Variants in POLD1 observed in about 807,000 individuals in gnomAD.
The protein encoded by POLD1 is DNA polymerase delta catalytic subunit.
A neutral mutation model predicts 129.7 loss-of-function variants in POLD1; 79 were observed. That is an observed-to-expected ratio of 0.61 (90% CI 0.51 to 0.73). POLD1 has a LOEUF of 0.73. POLD1 is among the 30% of genes least tolerant of loss of function. The pLI is 0.00. For synonymous variants in POLD1, 714 were observed against 683.3 expected (o/e 1.04, Z -0.70); for missense variants, 1,338 against 1,595.8 (o/e 0.84, Z 2.75).
intron 14 of POLD1, among the ~76,000 whole-genome samples, chr19:50,408,420 C>G (rs2038976126): frequency 6.6e-6 from 1 of 152,020 alleles, no homozygotes; most frequent in Admixed American, 6.6e-5. Context: ...CAGGGTCTCA[C>G]TCTGTCACCC....
chr19:50,405,943 T>G (rs1490528372), intron 10 of POLD1, among the ~76,000 whole-genome samples: 1 of 152,030 alleles, frequency 6.6e-6, no homozygotes, highest in Non-Finnish European at 1.5e-5. Context: ...TGGCCCCCAG[T>G]CCATCAGGGC....
intron 1 of POLD1, among the ~76,000 whole-genome samples, chr19:50,393,090 A>G (rs557337035): frequency 1.3e-5 from 2 of 152,312 alleles, no homozygotes; most frequent in South Asian, 4.1e-4. Flanking sequence ...CTTATGTGAT[A>G]ATATATCTAC....
intron 3 of POLD1, among the ~76,000 whole-genome samples, chr19:50,400,133 ATTTTTTTTTTTTTTT>A (rs71182715): frequency 0.049 from 2,344 of 48,194 alleles, 120 homozygotes; most frequent in African/African-American, 0.13. Context: ...TTTTTAAAAG[ATTTTTTTTTTTTTTT>A]TTTTTTTTTT....
intron 22 of POLD1, 90 bp downstream of exon 22, chr19:50,415,916 C>T (rs1023999440): frequency 4.1e-5 from 41 of 1,008,710 alleles, no homozygotes; most frequent in Non-Finnish European, 5.6e-5. Flanking sequence ...AAGGGTGGGG[C>T]CTCCCGTGCC....
chr19:50,402,671 G>C lies in POLD1; in HGVS notation c.900G>C (p.Pro300=), dbSNP rs142407935. 8 of 1,598,278 alleles carry C rather than the reference G, an allele frequency of 5.0e-6. No individual in the cohort carries two copies. In the Admixed American group the frequency reaches 1.2e-4, roughly 24 times the overall value. ...GGTCTGACGTGGTCAGTCACCCACCGGAAGGGCCATGGCAGCGCATTGCGC... is the reference window on the plus strand; with the variant it reads ...GGTCTGACGTGGTCAGTCACCCACCCGAAGGGCCATGGCAGCGCATTGCGC... ...VLWSDVVSHP[P]EGPWQRIAPL... is the part of the protein sequence containing the mutation. Residue 300 remains proline, a synonymous_variant, in exon 8 of 27, where the codon CCG becomes CCC. Transcript: ENST00000440232.
intron 1 of POLD1, chr19:50,393,887 T>C (rs961563009): frequency 2.6e-5 from 4 of 152,192 alleles, no homozygotes; most frequent in Admixed American, 2.0e-4. Flanking sequence ...AGCTGGCCCC[T>C]CTCTAATGCT....
At chr19:50,405,970 C>G (rs1263682013) in intron 10 of POLD1, among the ~76,000 whole-genome samples, 4 of 152,288 alleles carry the variant, frequency 2.6e-5, no homozygotes, top group Non-Finnish European at 5.9e-5. Flanking sequence ...CTCTCGCTAT[C>G]CCAGCCTTGG....
At chr19:50,411,312 C>G (rs1568633010) in intron 17 of POLD1, among the ~76,000 whole-genome samples, 1 of 152,180 alleles carries the variant, frequency 6.6e-6, no homozygotes, top group African/African-American at 2.4e-5. Flanking sequence ...GCTGCCTCCC[C>G]AGCCTCCTTG....
rs1060501843 is a variant in POLD1 at position 50,407,037 on chromosome 19, T to C, written c.1549T>C (p.Tyr517His). ...GGCTGTGTACTGCCTGAAGGATGCC[T>C]ACCTGCCACTGCGGCTGCTGGAGCG... is the stretch of plus-strand genomic sequence containing the variant. ...RLAVYCLKDA[Y>H]LPLRLLERLM... The change falls in exon 13 of 27, where the codon TAC (tyrosine) becomes CAC (histidine). Residue 517 changes from tyrosine to histidine, a missense_variant. Physicochemically the swap from Tyr to His is moderately conservative, Grantham distance 83. Around this residue, in one of 3 missense-constraint regions of POLD1, gnomAD observed 720 missense variants for 1,002.6 expected, o/e 0.72. Transcript: ENST00000440232. 1.9e-6 allele frequency: 3 copies of C among 1,612,638 alleles called. No homozygotes were observed. Among genetic ancestry groups the C allele is most frequent in the Non-Finnish European group, 2.5e-6 (3 of 1,179,528 alleles).
In POLD1 at chr19:50,415,603, G is replaced by C; in HGVS notation, c.2717+13G>C. ...AGCTGGCCGAGAGGTCCTGCGCGGG[G>C]CGGGTGGCCTGGCCAGAAATAACCC... On this transcript the variant is annotated intron_variant, in intron 21 of 26. Transcript: ENST00000440232. The C allele has an allele frequency of 1.2e-6, 2 of 1,608,094 alleles. No homozygotes were observed. Among genetic ancestry groups the C allele is most frequent in the South Asian group, 2.2e-5 (2 of 90,774 alleles).
rs376880806 is a variant in POLD1, at chr19:50,406,378, G to A, written c.1384-29G>A. ...CCTTGGAAGGCCACTGCCCAGGCCC[G>A]CAGCCCACCAGCCCACCCACCCACC... On this transcript the variant is annotated intron_variant, in intron 11 of 26. Coordinates refer to ENST00000440232, the MANE Select transcript of POLD1 (RefSeq NM_002691.4). The surrounding 1 kb of genome is among the most constrained non-coding windows in gnomAD (Gnocchi z 5.5). 76 of 1,609,120 alleles carry A rather than the reference G, an allele frequency of 4.7e-5. No homozygotes were observed. Among genetic ancestry groups the A allele is most frequent in the African/African-American group, 3.9e-4 (29 of 74,798 alleles).
At position 50,402,252 on chromosome 19, in the gene POLD1, A is replaced by G. The variant is rs750753334; in HGVS notation, c.637A>G (p.Thr213Ala). ...GHGPSPFLRI[T>A]VALPRLVAPA... ...CGGCCCCTCCCCGTTCCTGCGCATC[A>G]CCGTGGCGCTGCCGCGCCTCGTGGC... is the stretch of plus-strand genomic sequence containing the variant. The change falls in exon 6 of 27, where the codon ACC becomes GCC. Residue 213 changes from threonine (T) to alanine (A), a missense_variant. By Grantham distance (58) the Thr-to-Ala change is moderately conservative. Transcript: ENST00000440232. 6.3e-7 allele frequency: 1 copy of G among 1,598,950 alleles called. No individual in the cohort carries two copies. The highest frequency in any genetic ancestry group is 8.5e-7 in the Non-Finnish European group (1 of 1,171,764).
rs1198421459 is a variant in POLD1, at chr19:50,417,934, C to T, written c.3311C>T (p.Pro1104Leu). The T allele has an allele frequency of 6.2e-7, 1 of 1,606,788 alleles. No individual in the cohort carries two copies. The highest frequency in any genetic ancestry group is 1.3e-5 in the African/African-American group (1 of 74,892). Reference protein sequence around the residue: ...QLLRRFGPPGPEAW With the variant: ...QLLRRFGPPGLEAW ...CTGCGGCGCTTCGGACCCCCTGGAC[C>T]TGAGGCCTGGTGACCTTGCAAGCAT... The change falls in exon 27 of 27, where the codon CCT (proline) becomes CTT (leucine). Residue 1104 changes from proline (P) to leucine (L), a missense_variant. By Grantham distance (98) the Pro-to-Leu change is moderately conservative. Coordinates refer to ENST00000440232, the MANE Select transcript of POLD1 (RefSeq NM_002691.4).
chr19:50,388,031 CAT>C (rs1477720691), intron 1 of POLD1, among the ~76,000 whole-genome samples: 7 of 152,212 alleles, frequency 4.6e-5, no homozygotes, highest in African/African-American at 1.4e-4. Context: ...CCGCCACACA[CAT>C]GAGCGATGAA....
At chr19:50,414,683 C>T in intron 19 of POLD1, 132 bp from the exon 20 acceptor site, 1 of 674,606 alleles carries the variant, frequency 1.5e-6, no homozygotes. Context: ...TCCATCCCAC[C>T]AGGCTCAGGG....
chr19:50,396,696 G>T (rs2038380512), intron 1 of POLD1, among the ~76,000 whole-genome samples: 1 of 151,678 alleles, frequency 6.6e-6, no homozygotes, highest in Admixed American at 6.6e-5. Context: ...TAGCCAGGAT[G>T]GTCTCGATCT....
In POLD1 at chr19:50,406,544, C is replaced by T. The variant is rs1159582317; in HGVS notation, c.1494+27C>T. On this transcript the variant is annotated intron_variant, in intron 12 of 26. Coordinates refer to ENST00000440232, the MANE Select transcript of POLD1 (RefSeq NM_002691.4). This position sits in a 1 kb window ranked among gnomAD's most constrained non-coding sequence, Gnocchi z 5.5. ...TGCCTGCTGCCTCCCTGACCTCTCACCCCAACCTCTGACCTCCACCTCACC... is the reference window on the plus strand; with the variant it reads ...TGCCTGCTGCCTCCCTGACCTCTCATCCCAACCTCTGACCTCCACCTCACC... 2.7e-6 allele frequency: 4 copies of T among 1,502,484 alleles called. No individual in the cohort carries two copies. Among genetic ancestry groups the T allele is most frequent in the African/African-American group, 1.4e-5 (1 of 72,202 alleles). 93.1% of individuals were successfully genotyped at this position (1,502,484 alleles called of 1,614,324 possible). A position where few individuals can be genotyped will look rare whatever the true frequency, so the allele number is the denominator to read the frequency against.
chr19:50,416,527 G>T lies in POLD1; in HGVS notation c.2952G>T (p.Leu984=), dbSNP rs1227560475. 5 of 1,552,214 alleles carry T rather than the reference G, an allele frequency of 3.2e-6. No homozygotes were observed. Among genetic ancestry groups the T allele is most frequent in the Non-Finnish European group, 4.3e-6 (5 of 1,149,954 alleles). ...LGEGRAEAVL[L]RGDHTRCKTV... ...AGGGCCGTGCCGAGGCTGTGCTACT[G>T]CGTACGGGGGCACCAGGGGACTGGG... The change falls in exon 23 of 27, where the codon CTG becomes CTT. Residue 984 remains leucine, a splice_region_variant and synonymous_variant. Coordinates refer to ENST00000440232, the MANE Select transcript of POLD1 (RefSeq NM_002691.4).
intron 1 of POLD1, 78 bp from the exon 2 acceptor site, chr19:50,398,773 G>A: frequency 2.6e-6 from 4 of 1,543,488 alleles, no homozygotes; most frequent in Non-Finnish European, 3.5e-6. Context: ...GGTCATGGTG[G>A]GTGCATGGGA....
Sources: allele counts gnomAD v4.1 joint callset (sites outside exome capture counted in the v4.1 genomes callset), GRCh38; gene constraint gnomAD v4.1.1; regional missense constraint gnomAD v4.1.1; non-coding constraint Gnocchi (gnomAD v3.1); transcripts MANE v1.5; gene names NCBI Gene and HGNC (gene_info 2026-07-23, HGNC 2026-07-21).